The following IRAG1 variants were observed in gnomAD, a reference collection of about 807,000 sequenced individuals.
The protein encoded by IRAG1 is inositol 1,4,5-triphosphate receptor associated 1, also known as IP3R-associated cGMP kinase substrate.
Under a neutral mutation model 106.2 loss-of-function variants are expected in IRAG1, and 62 were observed. The ratio of observed to expected loss-of-function variants is 0.58; its 90% CI spans 0.48 to 0.72. The LOEUF (loss-of-function observed/expected upper bound fraction) is 0.72, where lower values mean the gene tolerates loss of function less well. Ranked by LOEUF, IRAG1 falls within the 30% of genes least tolerant of loss-of-function variation. The probability of loss-of-function intolerance (pLI) is 0.00; values close to 1 mark genes in which losing one functional copy is unlikely to be tolerated. For missense variants in IRAG1, 1,064 were observed against 1,140.7 expected (o/e 0.93, Z 0.97); for synonymous variants, 462 against 443.9 (o/e 1.04, Z -0.51).
intron 9 of IRAG1, among the ~76,000 whole-genome samples, chr11:10,624,398 A>G (rs1454659193): frequency 6.6e-6 from 1 of 151,874 alleles, no homozygotes; most frequent in Admixed American, 6.6e-5. Context: ...TAAACTCTCC[A>G]GAAAAGTGAG....
chr11:10,690,220 T>A (rs1386848438), intron 1 of IRAG1: 1 of 357,352 alleles, frequency 2.8e-6, no homozygotes, highest in Non-Finnish European at 5.2e-6. Flanking sequence ...CAAAACTCCA[T>A]CTTTACTAAA....
At chr11:10,640,922 AG>A (rs1174409782) in intron 2 of IRAG1, among the ~76,000 whole-genome samples, 2 of 152,258 alleles carry the variant, frequency 1.3e-5, no homozygotes, top group Admixed American at 6.5e-5. Flanking sequence ...GAATTAAACA[AG>A]TTGATATAGA....
intron 10 of IRAG1, among the ~76,000 whole-genome samples, chr11:10,613,088 C>G (rs937427414): frequency 6.6e-6 from 1 of 152,096 alleles, no homozygotes; most frequent in Admixed American, 6.6e-5. Context: ...AGTTGAGACT[C>G]TGATGACCCA....
intron 14 of IRAG1, among the ~76,000 whole-genome samples, chr11:10,602,474 G>A (rs1005758648): frequency 1.3e-5 from 2 of 152,314 alleles, no homozygotes; most frequent in Non-Finnish European, 1.5e-5. Flanking sequence ...ATTAGAACTC[G>A]GGCAATGTGC....
At chr11:10,637,172 A>C (rs1033706329) in intron 2 of IRAG1, among the ~76,000 whole-genome samples, 1 of 152,228 alleles carries the variant, frequency 6.6e-6, no homozygotes, top group Non-Finnish European at 1.5e-5. Flanking sequence ...GAAGAGGCCC[A>C]GTTATTAGAA....
intron 1 of IRAG1, among the ~76,000 whole-genome samples, chr11:10,682,277 G>A (rs1286055195): frequency 6.6e-6 from 1 of 152,200 alleles, no homozygotes; most frequent in Non-Finnish European, 1.5e-5. Flanking sequence ...TGTGAAACAA[G>A]TCTCTGGAGA....
intron 1 of IRAG1, among the ~76,000 whole-genome samples, chr11:10,668,039 T>C (rs575482927): frequency 1.3e-5 from 2 of 152,284 alleles, no homozygotes; most frequent in African/African-American, 4.8e-5. Flanking sequence ...TAATGCTCAC[T>C]TTCCAGAATA....
rs1392366223 is a variant in IRAG1, at chr11:10,623,794, T to G, written c.1431A>C (p.Ala477=). The part of the protein sequence containing the change: ...VGLKLPDLSE[A]AEQEKGLPSE... ...CCCACCTACCTTTTTCCTGCTCAGCTGCTTCACTAAGGTCTGGAAGCTTGA... is the reference window on the plus strand; with the variant it reads ...CCCACCTACCTTTTTCCTGCTCAGCGGCTTCACTAAGGTCTGGAAGCTTGA... The change falls in exon 10 of 21, where the codon GCA becomes GCC. Residue 477 remains alanine, a synonymous_variant. Transcript: ENST00000423302. The G allele has an allele frequency of 6.2e-7, 1 of 1,614,080 alleles. No homozygotes were observed. Among genetic ancestry groups the G allele is most frequent in the Non-Finnish European group, 8.5e-7 (1 of 1,179,908 alleles).
At chr11:10,635,269 C>T (rs773692208) in intron 2 of IRAG1, among the ~76,000 whole-genome samples, 5 of 152,322 alleles carry the variant, frequency 3.3e-5, no homozygotes, top group Non-Finnish European at 5.9e-5. Flanking sequence ...CATTTTCCTT[C>T]TCCTCCTTCC....
rs116921585 is a variant in IRAG1 at position 10,688,927 on chromosome 11, T to A, written c.67+4609A>T. On this transcript the variant is annotated intron_variant, in intron 1 of 20. Coordinates refer to ENST00000423302, the MANE Select transcript of IRAG1 (RefSeq NM_130385.4). ...TTGCCCTCTCTGTGCCCCAGTTTCC[T>A]GATCTGTATAAGGAGGACAATGACA... is the stretch of plus-strand genomic sequence containing the variant. 2.8e-3 allele frequency among the ~76,000 whole-genome samples: 433 copies of A among 152,326 alleles called. 5 individuals are homozygous for A. Among genetic ancestry groups the A allele is most frequent in the Non-Finnish European group, 2.9e-3 (199 of 68,034 alleles).
chr11:10,663,773 C>A (rs80080074), intron 1 of IRAG1, among the ~76,000 whole-genome samples: 2 of 152,188 alleles, frequency 1.3e-5, no homozygotes, highest in African/African-American at 4.8e-5. Flanking sequence ...AGGAATCAAG[C>A]CTCACTTTTC....
intron 14 of IRAG1, among the ~76,000 whole-genome samples, chr11:10,601,837 G>A (rs189090769): frequency 4.6e-5 from 7 of 152,342 alleles, no homozygotes; most frequent in Non-Finnish European, 1.0e-4. Context: ...TGGCCCAGTG[G>A]AGCCAGAGAG....
intron 15 of IRAG1, chr11:10,595,749 A>C (rs1220718293): frequency 6.6e-6 from 1 of 152,188 alleles, no homozygotes; most frequent in Non-Finnish European, 1.5e-5. Flanking sequence ...GGTGCATTAC[A>C]TAAACTTGTC....
Position 10,580,445 on chromosome 11 carries a change from G to A in IRAG1, c.2495+10C>T. On this transcript the variant is annotated intron_variant, in intron 20 of 20. Transcript: ENST00000423302. ...AGCAACGGCAAGGACTCCAAACACA[G>A]GCTTCCCACCTGCTTCTTGGGCCCT... 3.1e-6 allele frequency: 5 copies of A among 1,606,730 alleles called. No individual in the cohort carries two copies. The highest frequency in any genetic ancestry group is 1.1e-5 in the South Asian group (1 of 89,830).
chr11:10,586,017 C>T (rs917834832), intron 18 of IRAG1: 1 of 152,168 alleles, frequency 6.6e-6, no homozygotes, highest in Non-Finnish European at 1.5e-5. Flanking sequence ...CCCTGCCTTT[C>T]TTTCAACAGA....
In IRAG1 at chr11:10,601,097, G is replaced by A. The variant is rs377239564; in HGVS notation, c.1876-38C>T. On this transcript the variant is annotated intron_variant, in intron 14 of 20. Transcript: ENST00000423302. ...AGCGCATGAGTGCATGAGGCCATTG[G>A]AGGAAAGGCTCCGTTGGCACTTATT... 7.5e-6 allele frequency: 12 copies of A among 1,610,732 alleles called. No homozygotes were observed. In the African/African-American group the frequency reaches 1.3e-4, roughly 18 times the overall value.
At chr11:10,609,640 A>T (rs1854774188) in intron 11 of IRAG1, 88 bp downstream of exon 11, 2 of 1,456,822 alleles carry the variant, frequency 1.4e-6, no homozygotes, top group African/African-American at 1.4e-5. Context: ...TTCAAGAATT[A>T]AGACTGGTGT....
At chr11:10,602,283 C>A (rs1854097199) in intron 14 of IRAG1, among the ~76,000 whole-genome samples, 1 of 152,258 alleles carries the variant, frequency 6.6e-6, no homozygotes, top group African/African-American at 2.4e-5. Context: ...GTAACCAGAG[C>A]AGCAGGACAT....
At chr11:10,675,922 C>T (rs1860617488) in intron 1 of IRAG1, among the ~76,000 whole-genome samples, 1 of 152,238 alleles carries the variant, frequency 6.6e-6, no homozygotes, top group Non-Finnish European at 1.5e-5. Flanking sequence ...TCTCAGCTGC[C>T]TTATTCATGG....
Sources: allele counts gnomAD v4.1 joint callset (sites outside exome capture counted in the v4.1 genomes callset), GRCh38; gene constraint gnomAD v4.1.1; transcripts MANE v1.5; gene names NCBI Gene and HGNC (gene_info 2026-07-23, HGNC 2026-07-21).